SHB: variants seen among roughly 807,000 people sequenced by gnomAD.
The protein encoded by SHB is SH2 domain-containing adapter protein B.
In SHB, 20 loss-of-function variants were observed where a neutral mutation model predicts 52.3. The ratio of observed to expected loss-of-function variants is 0.38; its 90% CI spans 0.27 to 0.56. The LOEUF (loss-of-function observed/expected upper bound fraction) is 0.56. Ranked by LOEUF, SHB falls within the 20% of genes least tolerant of loss-of-function variation. The probability of loss-of-function intolerance (pLI) is 0.71; values close to 1 mark genes in which losing one functional copy is unlikely to be tolerated. For missense variants in SHB, 825 were observed against 723.3 expected (o/e 1.14, Z -1.61); for synonymous variants, 397 against 316.5 (o/e 1.25, Z -2.70).
At chr9:37,927,041 T>C (rs1407489763) in intron 5 of SHB, among the ~76,000 whole-genome samples, 1 of 152,196 alleles carries the variant, frequency 6.6e-6, no homozygotes, top group East Asian at 1.9e-4. Flanking sequence ...AGATACCCAC[T>C]GCACAGATGA....
intron 2 of SHB, among the ~76,000 whole-genome samples, chr9:37,986,968 AGAGAGGCCTGGGGCCACACTCTAAT>A (rs1820815636): frequency 6.6e-6 from 1 of 152,210 alleles, no homozygotes; most frequent in Non-Finnish European, 1.5e-5. Context: ...CTCTGCCTCC[AGAGAGGCCTGGGGCCACACTCTAAT>A]GAGGTAAAGC....
At chr9:38,062,871 G>C (rs1821911989) in intron 1 of SHB, among the ~76,000 whole-genome samples, 1 of 152,214 alleles carries the variant, frequency 6.6e-6, no homozygotes, top group Non-Finnish European at 1.5e-5. Context: ...GTCTATGGCT[G>C]CTTTCAAGCT....
rs115339349 is a variant in SHB, at chr9:37,928,186, A to G, written c.1347-8182T>C. On this transcript the variant is annotated intron_variant, in intron 5 of 5. Transcript: ENST00000377707. ...TGCTGAGTTCTCAAGTCAGTGACGGACATGCCAGTGTGGGTGGGAGCACCA... is the reference window on the plus strand; with the variant it reads ...TGCTGAGTTCTCAAGTCAGTGACGGGCATGCCAGTGTGGGTGGGAGCACCA... 4.9e-3 allele frequency among the ~76,000 whole-genome samples: 751 copies of G among 152,342 alleles called. 7 individuals are homozygous for G. The highest frequency in any genetic ancestry group is 0.017 in the African/African-American group (724 of 41,568).
intron 1 of SHB, among the ~76,000 whole-genome samples, chr9:38,046,880 C>A (rs534128954): frequency 2.0e-5 from 3 of 152,192 alleles, no homozygotes; most frequent in African/African-American, 4.8e-5. Flanking sequence ...CAGGAACCTG[C>A]GGTCTGGAGA....
intron 1 of SHB, among the ~76,000 whole-genome samples, chr9:38,064,897 G>C (rs745875442): frequency 1.5e-4 from 23 of 152,208 alleles, no homozygotes; most frequent in Admixed American, 2.6e-4. Flanking sequence ...ACTTTGGGAG[G>C]CCAAGGCAGG....
chr9:37,986,937 G>T (rs906420884), intron 2 of SHB, among the ~76,000 whole-genome samples: 1 of 152,252 alleles, frequency 6.6e-6, no homozygotes, highest in Non-Finnish European at 1.5e-5. Flanking sequence ...CGATCTTCCA[G>T]TCTGCTGGGC....
At chr9:38,026,760 G>A (rs780858903) in intron 1 of SHB, among the ~76,000 whole-genome samples, 45 of 152,206 alleles carry the variant, frequency 3.0e-4, no homozygotes, top group Admixed American at 9.2e-4. Flanking sequence ...ACATGTACTC[G>A]GCGCTTTCTA....
intron 1 of SHB, among the ~76,000 whole-genome samples, chr9:38,050,698 C>A (rs1821727711): frequency 6.6e-6 from 1 of 152,092 alleles, no homozygotes; most frequent in Non-Finnish European, 1.5e-5. Flanking sequence ...GTAAGAAATG[C>A]TTGAATATAT....
At chr9:38,001,598 C>T (rs1430757204) in intron 2 of SHB, among the ~76,000 whole-genome samples, 4 of 152,198 alleles carry the variant, frequency 2.6e-5, no homozygotes, top group Non-Finnish European at 5.9e-5. Context: ...GGGTTGGGTT[C>T]GATACTCTCC....
At chr9:38,009,473 G>C (rs144524488) in intron 2 of SHB, among the ~76,000 whole-genome samples, 1,719 of 152,378 alleles carry the variant, frequency 0.011, 28 homozygotes, top group African/African-American at 0.038. Flanking sequence ...TCTGATTTTA[G>C]AGATGAGGGA....
At chr9:38,019,536 C>T (rs1201398999) in intron 1 of SHB, among the ~76,000 whole-genome samples, 1 of 152,222 alleles carries the variant, frequency 6.6e-6, no homozygotes, top group African/African-American at 2.4e-5. Flanking sequence ...GTGGGTGTTG[C>T]CCCTTGGCCA....
intron 3 of SHB, 73 bp downstream of exon 3, chr9:37,974,548 GC>G: frequency 7.7e-7 from 1 of 1,291,158 alleles, no homozygotes; most frequent in East Asian, 2.3e-5. Context: ...TTTGTCCTGA[GC>G]GCAGGTGGGG....
At chr9:38,017,472 G>C (rs564359210) in intron 1 of SHB, among the ~76,000 whole-genome samples, 3 of 152,252 alleles carry the variant, frequency 2.0e-5, no homozygotes, top group Non-Finnish European at 4.4e-5. Context: ...CGTCCTGGCA[G>C]GGTGAGCAAG....
intron 2 of SHB, among the ~76,000 whole-genome samples, chr9:38,002,534 G>A (rs1169910698): frequency 6.6e-6 from 1 of 152,166 alleles, no homozygotes; most frequent in East Asian, 1.9e-4. Context: ...GTGACTGGAA[G>A]GGGCCCTGGG....
At chr9:38,028,382 G>A (rs545522921) in intron 1 of SHB, among the ~76,000 whole-genome samples, 16 of 152,288 alleles carry the variant, frequency 1.1e-4, no homozygotes, top group African/African-American at 2.2e-4. Flanking sequence ...AGTCCCTCAC[G>A]ACTGGCTAGT....
chr9:37,944,593 T>C (rs913297075), intron 5 of SHB, among the ~76,000 whole-genome samples: 1 of 152,200 alleles, frequency 6.6e-6, no homozygotes, highest in Admixed American at 6.5e-5. Flanking sequence ...TGGCAGGCAT[T>C]CGGCTTCCCC....
intron 2 of SHB, among the ~76,000 whole-genome samples, chr9:37,983,523 C>T (rs1016336511): frequency 2.6e-5 from 4 of 152,192 alleles, no homozygotes; most frequent in South Asian, 4.1e-4. Flanking sequence ...CTGGCACAGA[C>T]GTGCAGGAGC....
At chr9:38,015,933 G>A in intron 2 of SHB, 78 bp downstream of exon 2, 1 of 1,480,380 alleles carries the variant, frequency 6.8e-7, no homozygotes, top group Non-Finnish European at 9.3e-7. Flanking sequence ...GCTGGTTGGG[G>A]ACCACCCGGC....
At chr9:38,038,024 G>C (rs1315041707) in intron 1 of SHB, among the ~76,000 whole-genome samples, 1 of 152,190 alleles carries the variant, frequency 6.6e-6, no homozygotes, top group Non-Finnish European at 1.5e-5. Flanking sequence ...TTGTCTAAGA[G>C]TTTTTAAAAG....
Sources: allele counts gnomAD v4.1 joint callset (sites outside exome capture counted in the v4.1 genomes callset), GRCh38; gene constraint gnomAD v4.1.1; transcripts MANE v1.5; gene names NCBI Gene and HGNC (gene_info 2026-07-23, HGNC 2026-07-21).